The following SORCS3 variants were observed in gnomAD, a reference collection of about 807,000 sequenced individuals.
The protein encoded by SORCS3 is VPS10 domain-containing receptor SorCS3.
SORCS3 carries 57 observed loss-of-function variants against 146.3 expected under a neutral mutation model. The ratio of observed to expected loss-of-function variants is 0.39; its 90% CI spans 0.31 to 0.49. The LOEUF (loss-of-function observed/expected upper bound fraction) is 0.49. SORCS3 is among the 20% of genes least tolerant of loss of function. The pLI, the probability that SORCS3 is intolerant of heterozygous loss-of-function variation, is 0.92. For missense variants in SORCS3, 1,341 were observed against 1,575.5 expected (o/e 0.85, Z 2.52); for synonymous variants, 653 against 618.5 (o/e 1.06, Z -0.83).
chr10:104,966,206 A>T (rs2054825509), intron 3 of SORCS3, among the ~76,000 whole-genome samples: 2 of 151,918 alleles, frequency 1.3e-5, no homozygotes, highest in African/African-American at 4.8e-5. Flanking sequence ...TATGTTTCAA[A>T]ATGTCCCCTT....
intron 2 of SORCS3, among the ~76,000 whole-genome samples, chr10:104,863,877 G>A (rs2018432390): frequency 6.6e-6 from 1 of 152,178 alleles, no homozygotes. Context: ...GCAGATGACT[G>A]AGAATGGCAT....
At chr10:104,782,728 C>T (rs960213439) in intron 1 of SORCS3, among the ~76,000 whole-genome samples, 1 of 152,182 alleles carries the variant, frequency 6.6e-6, no homozygotes, top group African/African-American at 2.4e-5. Context: ...TACTGATAAA[C>T]TATGGGATCT....
chr10:104,775,385 G>A (rs1440700268), intron 1 of SORCS3, among the ~76,000 whole-genome samples: 1 of 152,222 alleles, frequency 6.6e-6, no homozygotes, highest in African/African-American at 2.4e-5. Flanking sequence ...CCAAGTCTTT[G>A]TTAGGTGTTA....
intron 1 of SORCS3, among the ~76,000 whole-genome samples, chr10:104,705,392 A>G (rs1275824776): frequency 6.6e-6 from 1 of 150,684 alleles, no homozygotes; most frequent in Non-Finnish European, 1.5e-5. Context: ...GATTCTCCCT[A>G]CTCCCAGTAT....
intron 1 of SORCS3, among the ~76,000 whole-genome samples, chr10:104,781,283 G>C (rs1435369532): frequency 6.6e-6 from 1 of 152,220 alleles, no homozygotes; most frequent in Non-Finnish European, 1.5e-5. Flanking sequence ...GAAGGGCTGG[G>C]ATTGGAGCCC....
At chr10:105,201,565 C>A (rs932681673) in intron 16 of SORCS3, among the ~76,000 whole-genome samples, 1 of 152,196 alleles carries the variant, frequency 6.6e-6, no homozygotes, top group African/African-American at 2.4e-5. Context: ...TGGGCATTGA[C>A]AGAGGTTAGA....
At chr10:105,218,532 C>G (rs2119659112) in intron 19 of SORCS3, among the ~76,000 whole-genome samples, 1 of 152,280 alleles carries the variant, frequency 6.6e-6, no homozygotes, top group South Asian at 2.1e-4. Context: ...GTGGTGAGAA[C>G]CACACCACAT....
In SORCS3 at chr10:104,741,298, G is replaced by A. The variant is rs2016839604; in HGVS notation, c.627+99344G>A. Reference sequence around the variant, plus strand: ...ACCTTTTCTTTTTAATCACCAGAAGGCAATGCTGACATTTGTTGCCCAACC... The same window carrying A: ...ACCTTTTCTTTTTAATCACCAGAAGACAATGCTGACATTTGTTGCCCAACC... On this transcript the variant is annotated intron_variant, in intron 1 of 26. Coordinates refer to ENST00000369701, the MANE Select transcript of SORCS3 (RefSeq NM_014978.3). Among the ~76,000 whole-genome samples the A allele has an allele frequency of 2.0e-5, 3 of 151,894 alleles. No homozygotes were observed. In the South Asian group the frequency reaches 6.2e-4, roughly 32 times the overall value.
chr10:104,749,882 C>T (rs1485668359), intron 1 of SORCS3, among the ~76,000 whole-genome samples: 1 of 151,978 alleles, frequency 6.6e-6, no homozygotes, highest in African/African-American at 2.4e-5. Flanking sequence ...CTGGTATTTC[C>T]TGAGTCTGTA....
At chr10:104,778,590 T>G (rs2133489806) in intron 1 of SORCS3, among the ~76,000 whole-genome samples, 1 of 152,358 alleles carries the variant, frequency 6.6e-6, no homozygotes, top group East Asian at 1.9e-4. Context: ...AGTTCCTGGT[T>G]GGCAGTAGGT....
chr10:104,665,688 A>G (rs2133252594), intron 1 of SORCS3: 1 of 152,330 alleles, frequency 6.6e-6, no homozygotes, highest in Non-Finnish European at 1.5e-5. Flanking sequence ...GGCAAACAGC[A>G]TTGTGTAGTG....
At chr10:105,157,101 C>A in intron 9 of SORCS3, 37 bp from the exon 10 acceptor site, 1 of 1,609,298 alleles carries the variant, frequency 6.2e-7, no homozygotes, top group South Asian at 1.1e-5. Context: ...GGCATGTTGG[C>A]CCAGCATGGT....
chr10:105,166,767 A>G (rs7896544), intron 12 of SORCS3, among the ~76,000 whole-genome samples: 14,703 of 152,184 alleles, frequency 0.097, 832 homozygotes, highest in Admixed American at 0.16. Context: ...GGCTATTTCA[A>G]TTATTAGTTT....
At chr10:105,002,382 G>A (rs1218918073) in intron 4 of SORCS3, among the ~76,000 whole-genome samples, 1 of 152,124 alleles carries the variant, frequency 6.6e-6, no homozygotes. Context: ...ATTGAAGACT[G>A]ACTTGTGATG....
intron 22 of SORCS3, among the ~76,000 whole-genome samples, chr10:105,250,741 G>A (rs1479920429): frequency 6.6e-6 from 1 of 152,168 alleles, no homozygotes; most frequent in African/African-American, 2.4e-5. Flanking sequence ...ATGCTACTAA[G>A]GATCATGCTT....
chr10:104,857,706 T>A (rs1370076175), intron 2 of SORCS3, among the ~76,000 whole-genome samples: 1 of 149,440 alleles, frequency 6.7e-6, no homozygotes, highest in African/African-American at 2.6e-5. Flanking sequence ...ATGTGCTGAC[T>A]GGTGTCATTG....
At chr10:104,881,488 T>C (rs2018629676) in intron 2 of SORCS3, among the ~76,000 whole-genome samples, 1 of 152,198 alleles carries the variant, frequency 6.6e-6, no homozygotes, top group Admixed American at 6.5e-5. Context: ...AAATATTCAA[T>C]TGCAAAGACC....
At chr10:105,165,293 G>A (rs753177239) in intron 12 of SORCS3, among the ~76,000 whole-genome samples, 15 of 152,086 alleles carry the variant, frequency 9.9e-5, no homozygotes, top group Admixed American at 2.0e-4. Context: ...GAAAAGAGAC[G>A]AATTGATCCT....
At chr10:105,006,664 A>G (rs2055098049) in intron 4 of SORCS3, among the ~76,000 whole-genome samples, 1 of 151,984 alleles carries the variant, frequency 6.6e-6, no homozygotes, top group Non-Finnish European at 1.5e-5. Context: ...TGCCCCAACC[A>G]CTTAATTTTC....
Sources: gnomAD v4.1 joint callset for allele counts (sites outside exome capture counted in the v4.1 genomes callset) on GRCh38, gnomAD v4.1.1 for gene constraint, MANE v1.5 for transcripts, NCBI Gene and HGNC (gene_info 2026-07-23, HGNC 2026-07-21) for gene names.